The following PTPRO variants were observed in gnomAD, a reference collection of about 807,000 sequenced individuals.
PTPRO encodes the protein receptor-type tyrosine-protein phosphatase O.
In PTPRO, 62 loss-of-function variants were observed where a neutral mutation model predicts 145.2. The ratio of observed to expected loss-of-function variants is 0.43; its 90% CI spans 0.35 to 0.53. The LOEUF is 0.53. Among genes scored for constraint, PTPRO ranks in the 20% least tolerant of loss-of-function variants. The pLI, the probability that PTPRO is intolerant of heterozygous loss-of-function variation, is 0.01. For synonymous variants in PTPRO, 565 were observed against 514.7 expected (o/e 1.10, Z -1.32); for missense variants, 1,345 against 1,482.7 (o/e 0.91, Z 1.53).
At chr12:15,367,131 A>G (rs1565589350) in intron 1 of PTPRO, among the ~76,000 whole-genome samples, 1 of 152,220 alleles carries the variant, frequency 6.6e-6, no homozygotes, top group Non-Finnish European at 1.5e-5. Context: ...ACTTTAGACA[A>G]AGCAATGTTC....
At chr12:15,338,564 CATTCCCCTTCATA>C (rs1461926517) in intron 1 of PTPRO, among the ~76,000 whole-genome samples, 1 of 152,134 alleles carries the variant, frequency 6.6e-6, no homozygotes, top group Non-Finnish European at 1.5e-5. Context: ...ATCATTAAGG[CATTCCCCTTCATA>C]ATTCCCACAA....
At chr12:15,328,328 G>C (rs971674170) in intron 1 of PTPRO, among the ~76,000 whole-genome samples, 2 of 151,976 alleles carry the variant, frequency 1.3e-5, no homozygotes, top group Non-Finnish European at 1.5e-5. Context: ...AAAAGCGTTC[G>C]CAAGTCTTTC....
At chr12:15,403,951 A>G (rs1939573391) in intron 1 of PTPRO, among the ~76,000 whole-genome samples, 1 of 151,976 alleles carries the variant, frequency 6.6e-6, no homozygotes, top group African/African-American at 2.4e-5. Flanking sequence ...TAATTCCAGC[A>G]CTTTGGGAGG....
At chr12:15,530,545 A>G (rs749159956) in intron 12 of PTPRO, among the ~76,000 whole-genome samples, 1 of 152,216 alleles carries the variant, frequency 6.6e-6, no homozygotes, top group Non-Finnish European at 1.5e-5. Context: ...CCACAATGGA[A>G]TAAGACTAGA....
At chr12:15,492,936 G>C (rs1403365271) in intron 2 of PTPRO, among the ~76,000 whole-genome samples, 1 of 152,128 alleles carries the variant, frequency 6.6e-6, no homozygotes, top group Non-Finnish European at 1.5e-5. Context: ...CTTGAAAAAT[G>C]ACATGAATTC....
intron 3 of PTPRO, among the ~76,000 whole-genome samples, chr12:15,498,253 A>G (rs1942148228): frequency 6.6e-6 from 1 of 152,150 alleles, no homozygotes; most frequent in South Asian, 2.1e-4. Flanking sequence ...CTGAGACACT[A>G]TTTAAAATAT....
Position 15,374,803 on chromosome 12 carries a change from A to G in PTPRO, c.75+52002A>G, listed in dbSNP as rs777785130. ...AGGAAGACCTGCCAATGAGATATCC[A>G]TAGAGGTCTTTGTAAAGCCCTGACA... On this transcript the variant is annotated intron_variant, in intron 1 of 26. Transcript: ENST00000281171. 3.3e-5 allele frequency among the ~76,000 whole-genome samples: 5 copies of G among 152,320 alleles called. No individual in the cohort carries two copies. In the South Asian group the frequency reaches 1.0e-3, roughly 32 times the overall value.
chr12:15,493,814 G>A (rs1942048236), intron 2 of PTPRO, among the ~76,000 whole-genome samples: 1 of 152,194 alleles, frequency 6.6e-6, no homozygotes, highest in South Asian at 2.1e-4. Flanking sequence ...AAGGCGACAT[G>A]CCGCAAACAT....
At chr12:15,462,848 T>C (rs2136400023) in intron 1 of PTPRO, among the ~76,000 whole-genome samples, 1 of 152,306 alleles carries the variant, frequency 6.6e-6, no homozygotes, top group African/African-American at 2.4e-5. Flanking sequence ...TATAATTACC[T>C]GATAACTAAA....
intron 1 of PTPRO, among the ~76,000 whole-genome samples, chr12:15,449,960 A>C (rs1260255947): frequency 6.6e-6 from 1 of 152,220 alleles, no homozygotes; most frequent in East Asian, 1.9e-4. Context: ...TTTTAAATTG[A>C]CAATTTATGA....
chr12:15,414,400 C>T (rs1422293236), intron 1 of PTPRO, among the ~76,000 whole-genome samples: 2 of 152,192 alleles, frequency 1.3e-5, no homozygotes, highest in Admixed American at 1.3e-4. Flanking sequence ...TCTAGCAGGT[C>T]CTCCACAAAT....
intron 1 of PTPRO, among the ~76,000 whole-genome samples, chr12:15,361,058 A>C (rs940278254): frequency 1.3e-5 from 2 of 151,476 alleles, no homozygotes; most frequent in African/African-American, 4.8e-5. Flanking sequence ...TATAAGAGAA[A>C]ATTTGTATAT....
chr12:15,484,263 A>G lies in PTPRO; in HGVS notation c.349+16A>G. 6.2e-7 allele frequency: 1 copy of G among 1,612,814 alleles called. No individual in the cohort carries two copies. On this transcript the variant is annotated intron_variant, in intron 2 of 26. Transcript: ENST00000281171. ...GTGTTAACAAGTAAGCATCATGTGT[A>G]ATATTGTCCCGTTTCTTCTTATTGT...
intron 13 of PTPRO, among the ~76,000 whole-genome samples, chr12:15,548,420 A>C (rs542391751): frequency 6.6e-6 from 1 of 152,296 alleles, no homozygotes; most frequent in African/African-American, 2.4e-5. Context: ...CAGCAGTTCA[A>C]AGAATGTGAC....
At chr12:15,344,115 G>A (rs1028662376) in intron 1 of PTPRO, among the ~76,000 whole-genome samples, 15 of 151,818 alleles carry the variant, frequency 9.9e-5, no homozygotes, top group Non-Finnish European at 1.6e-4. Context: ...TATAAAAACC[G>A]GCTTTGTCAC....
At chr12:15,453,618 A>T in intron 1 of PTPRO, among the ~76,000 whole-genome samples, 1 of 152,194 alleles carries the variant, frequency 6.6e-6, no homozygotes, top group East Asian at 1.9e-4. Flanking sequence ...TACCCTCTTA[A>T]AAAGTTAAGT....
At chr12:15,473,621 G>C (rs1941588864) in intron 1 of PTPRO, among the ~76,000 whole-genome samples, 1 of 151,974 alleles carries the variant, frequency 6.6e-6, no homozygotes, top group Admixed American at 6.5e-5. Flanking sequence ...ACAAAAATTA[G>C]CCAGGCGTTG....
chr12:15,533,328 T>C (rs946423981), intron 12 of PTPRO, among the ~76,000 whole-genome samples: 2 of 152,224 alleles, frequency 1.3e-5, no homozygotes, highest in South Asian at 2.1e-4. Context: ...ATTGTTTCTA[T>C]CTTATTCCTC....
At chr12:15,546,326 A>G in intron 12 of PTPRO, 13 of 1,334,614 alleles carry the variant, frequency 9.7e-6, no homozygotes, top group Non-Finnish European at 1.2e-5. Context: ...AAACTGAAGT[A>G]GAAAACAGAA....
Sources: allele counts gnomAD v4.1 joint callset (sites outside exome capture counted in the v4.1 genomes callset), GRCh38; gene constraint gnomAD v4.1.1; transcripts MANE v1.5; gene names NCBI Gene and HGNC (gene_info 2026-07-23, HGNC 2026-07-21).